The following UNC80 variants were observed in gnomAD, a reference collection of about 807,000 sequenced individuals.
UNC80 encodes protein unc-80 homolog.
In UNC80, 164 loss-of-function variants were observed where a neutral mutation model predicts 384.6. The ratio of observed to expected loss-of-function variants is 0.43; its 90% confidence interval spans 0.38 to 0.49. The LOEUF is 0.49. Ranked by LOEUF, UNC80 falls within the 20% of genes least tolerant of loss-of-function variation. The pLI is 0.00. For synonymous variants in UNC80, 1,486 were observed against 1,527.8 expected, an observed-to-expected ratio of 0.97 and a Z score of 0.64; for missense variants, 3,330 against 4,143.0, an observed-to-expected ratio of 0.80 and a Z score of 5.39.
intron 62 of UNC80, 83 bp from the exon 63 acceptor site, chr2:209,993,232 C>A: frequency 1.9e-6 from 2 of 1,035,664 alleles, no homozygotes; most frequent in South Asian, 1.7e-5. Context: ...CATAAGAATC[C>A]ACAGAAACAT....
At chr2:209,885,754 CTTT>C (rs1410561654) in intron 25 of UNC80, among the ~76,000 whole-genome samples, 2 of 135,832 alleles carry the variant, frequency 1.5e-5, no homozygotes, top group Non-Finnish European at 3.2e-5. Flanking sequence ...AAAATGTTAA[CTTT>C]TTTTTTTTTT....
At chr2:209,904,530 G>T (rs1004880881) in intron 28 of UNC80, among the ~76,000 whole-genome samples, 8 of 152,208 alleles carry the variant, frequency 5.3e-5, no homozygotes, top group African/African-American at 1.9e-4. Flanking sequence ...TTGAAGACCT[G>T]TTAACCTTTT....
chr2:209,895,823 T>C (rs938911448), intron 27 of UNC80, among the ~76,000 whole-genome samples: 3 of 152,150 alleles, frequency 2.0e-5, no homozygotes, highest in African/African-American at 4.8e-5. Flanking sequence ...TTTCCTTAGG[T>C]TTTCAGAGGT....
chr2:209,774,161 A>T lies in UNC80; in HGVS notation c.141+1019A>T, dbSNP rs1312502167. 2.6e-5 allele frequency among the ~76,000 whole-genome samples: 4 copies of T among 152,364 alleles called. No individual in the cohort carries two copies. The East Asian group carries it at 7.7e-4, about 29-fold the overall frequency. On this transcript the variant is annotated intron_variant, in intron 2 of 64. Transcript: ENST00000673920. ...AGATGTGTTAGGGCAAAAAATTCTGATGGAAGCCAACTGGAAAGTTAAACA... is the reference window on the plus strand; with the variant it reads ...AGATGTGTTAGGGCAAAAAATTCTGTTGGAAGCCAACTGGAAAGTTAAACA...
At chr2:209,983,898 A>G (rs2093219511) in intron 60 of UNC80, among the ~76,000 whole-genome samples, 1 of 152,162 alleles carries the variant, frequency 6.6e-6, no homozygotes, top group African/African-American at 2.4e-5. Flanking sequence ...AGCGAAGGTA[A>G]TAATACTGTC....
chr2:209,798,977 C>A (rs949824056), intron 7 of UNC80, among the ~76,000 whole-genome samples: 4 of 150,890 alleles, frequency 2.7e-5, no homozygotes, highest in African/African-American at 9.7e-5. Flanking sequence ...ATCCACCGTG[C>A]CCAGCCTATG....
rs1313763475 is a variant in UNC80, at chr2:209,997,941, A to G, written c.*2346A>G. 6.6e-6 allele frequency: 1 copy of G among 152,202 alleles called. No homozygotes were observed. The highest frequency in any genetic ancestry group is 2.4e-5 in the African/African-American group (1 of 41,456). 9.4% of individuals were successfully genotyped at this position (152,202 alleles called of 1,614,324 possible). On this transcript the variant is annotated 3_prime_UTR_variant, in exon 65 of 65. Transcript: ENST00000673920. ...TACTGTTACCTGGAGTTTGAAAGGA[A>G]TAACTATTAAAAAAAAAAGTTGGGG... is the stretch of plus-strand genomic sequence containing the variant.
At chr2:209,961,933 TGTTTAA>T (rs1438349234) in intron 51 of UNC80, among the ~76,000 whole-genome samples, 4 of 152,204 alleles carry the variant, frequency 2.6e-5, no homozygotes, top group African/African-American at 4.8e-5. Context: ...TCTCCATTTT[TGTTTAA>T]GTTTAACAAA....
intron 43 of UNC80, 50 bp downstream of exon 43, chr2:209,939,702 G>T: frequency 9.1e-6 from 13 of 1,434,412 alleles, no homozygotes; most frequent in African/African-American, 2.9e-5. Flanking sequence ...TAACACACTT[G>T]TTGTTTTTTT....
intron 16 of UNC80, among the ~76,000 whole-genome samples, chr2:209,833,330 A>AG (rs2081125948): frequency 6.6e-6 from 1 of 150,750 alleles, no homozygotes; most frequent in Admixed American, 6.6e-5. Flanking sequence ...GCAGAGAGAG[A>AG]GGGGAAATGC....
In UNC80 at chr2:209,775,925, G is replaced by A; in HGVS notation, c.178G>A (p.Gly60Ser). The change falls in exon 3 of 65, where the codon GGC becomes AGC. Residue 60 changes from glycine (G) to serine (S), a missense_variant. Gly to Ser is a moderately conservative substitution (Grantham distance 56). Coordinates refer to ENST00000673920, the MANE Select transcript of UNC80 (RefSeq NM_001371986.1). The part of the protein sequence containing the change: ...ERVLVENKLH[G>S]LSPALSEAIQ... ...AGTGTTGGTAGAAAACAAGCTGCAT[G>A]GCCTCTCTCCAGCTCTCTCTGAAGC... 6.2e-7 allele frequency: 1 copy of A among 1,614,066 alleles called. No homozygotes were observed. Among genetic ancestry groups the A allele is most frequent in the Non-Finnish European group, 8.5e-7 (1 of 1,179,992 alleles).
intron 7 of UNC80, among the ~76,000 whole-genome samples, chr2:209,802,831 T>C: frequency 6.6e-6 from 1 of 152,206 alleles, no homozygotes; most frequent in Non-Finnish European, 1.5e-5. Context: ...ACTGGGGAAA[T>C]ATCCAGTTAC....
At chr2:209,855,454 G>T (rs1052844518) in intron 22 of UNC80, among the ~76,000 whole-genome samples, 1 of 151,740 alleles carries the variant, frequency 6.6e-6, no homozygotes, top group Non-Finnish European at 1.5e-5. Context: ...ATGTACCCAA[G>T]AACTTATAAA....
intron 23 of UNC80, among the ~76,000 whole-genome samples, chr2:209,875,897 G>T (rs1424995996): frequency 6.6e-6 from 1 of 151,868 alleles, no homozygotes; most frequent in Non-Finnish European, 1.5e-5. Context: ...GTGGCTTTTG[G>T]GGTACAAGCA....
Position 209,820,313 on chromosome 2 carries a change from A to C in UNC80, c.1965A>C (p.Val655=), listed in dbSNP as rs2080043912. The change falls in exon 13 of 65, where the codon GTA becomes GTC. Residue 655 remains valine, a splice_region_variant and synonymous_variant. Coordinates refer to ENST00000673920, the MANE Select transcript of UNC80 (RefSeq NM_001371986.1). Reference sequence around the variant, plus strand: ...TGTGTTTATCTTGTTTTCCTCAGGTAGTTCTGAAGGCTGTTTATCTTGTCC... The same window carrying C: ...TGTGTTTATCTTGTTTTCCTCAGGTCGTTCTGAAGGCTGTTTATCTTGTCC... The part of the protein sequence containing the change: ...VHKNGMLDLS[V]VLKAVYLVLN... 2 of 1,532,124 alleles carry C rather than the reference A, an allele frequency of 1.3e-6. No individual in the cohort carries two copies. The highest frequency in any genetic ancestry group is 1.8e-6 in the Non-Finnish European group (2 of 1,138,896). The allele number at this position is 1,532,124 out of a possible 1,614,324, so 94.9% of individuals were successfully genotyped here.
At chr2:209,797,739 T>C (rs1336616741) in intron 7 of UNC80, among the ~76,000 whole-genome samples, 1 of 152,192 alleles carries the variant, frequency 6.6e-6, no homozygotes, top group Non-Finnish European at 1.5e-5. Context: ...CGACATGCTA[T>C]CTTCCACAAC....
intron 5 of UNC80, among the ~76,000 whole-genome samples, chr2:209,787,018 T>TATATATAC (rs1000814946): frequency 2.3e-4 from 29 of 128,566 alleles, no homozygotes; most frequent in African/African-American, 8.1e-4. Context: ...TATATATATA[T>TATATATAC]ACCTATATAT....
intron 61 of UNC80, among the ~76,000 whole-genome samples, chr2:209,991,565 C>G (rs1464472069): frequency 6.6e-6 from 1 of 152,120 alleles, no homozygotes; most frequent in East Asian, 1.9e-4. Flanking sequence ...GATAGCTTAA[C>G]TATAGCTATA....
chr2:209,930,946 A>G (rs901139521), intron 37 of UNC80, 22 bp from the exon 38 acceptor site: 46 of 1,507,674 alleles, frequency 3.1e-5, no homozygotes, highest in Non-Finnish European at 3.9e-5. Context: ...AGGAAACATT[A>G]AAAATTCTGT....
Sources: allele counts gnomAD v4.1 joint callset (sites outside exome capture counted in the v4.1 genomes callset), GRCh38; gene constraint gnomAD v4.1.1; transcripts MANE v1.5; gene names NCBI Gene and HGNC (gene_info 2026-07-23, HGNC 2026-07-21).